Variants in CTNNA2 observed in about 807,000 individuals in gnomAD.
CTNNA2 encodes catenin alpha 2.
CTNNA2 carries 42 observed loss-of-function variants against 101.0 expected under a neutral mutation model. The ratio of observed to expected loss-of-function variants is 0.42; its 90% confidence interval spans 0.32 to 0.54. CTNNA2 has a LOEUF of 0.54. CTNNA2 is among the 20% of genes least tolerant of loss of function. CTNNA2 has a pLI of 0.14. For synonymous variants in CTNNA2, 450 were observed against 456.4 expected (o/e 0.99, Z 0.18); for missense variants, 871 against 1,223.1 (o/e 0.71, Z 4.29).
rs1052055947 is a variant in CTNNA2, at chr2:80,305,434, T to C, written c.1057-87777T>C. ...TAAAGAACGATTGTACTGTCTGACA[T>C]GGGGAGGGCTTACCCTGACTTGTGC... On this transcript the variant is annotated intron_variant, in intron 7 of 18. Transcript: ENST00000402739. The C allele has an allele frequency of 7.2e-5, 69 of 952,852 alleles. No homozygotes were observed. In the African/African-American group the frequency reaches 1.1e-3, roughly 15 times the overall value. 59.0% of individuals were successfully genotyped at this position (952,852 alleles called of 1,614,324 possible).
chr2:79,371,428 C>A (rs767651738), intron 3 of CTNNA2, among the ~76,000 whole-genome samples: 2 of 151,980 alleles, frequency 1.3e-5, no homozygotes, highest in Non-Finnish European at 1.5e-5. Flanking sequence ...CGATGTGGAA[C>A]CGACATATGG....
At chr2:80,587,131 T>C (rs1558618021) in intron 14 of CTNNA2, among the ~76,000 whole-genome samples, 1 of 152,102 alleles carries the variant, frequency 6.6e-6, no homozygotes, top group Non-Finnish European at 1.5e-5. Context: ...CTAGAGCCTA[T>C]TGTGTGATAT....
In CTNNA2 at chr2:80,303,936, A is replaced by G; in HGVS notation, c.1057-89275A>G. 1 of 1,202,842 alleles carries G rather than the reference A, an allele frequency of 8.3e-7. No individual in the cohort carries two copies. Among genetic ancestry groups the G allele is most frequent in the Non-Finnish European group, 1.1e-6 (1 of 895,648 alleles). 74.5% of individuals were successfully genotyped at this position (1,202,842 alleles called of 1,614,324 possible). A position where few individuals can be genotyped will look rare whatever the true frequency, so the allele number is the denominator to read the frequency against. Reference sequence around the variant, plus strand: ...CGGGGGAGGGGGAGAAAAGGGCAAAAAATCAAATAAATACATAGAAATAAA... The same window carrying G: ...CGGGGGAGGGGGAGAAAAGGGCAAAGAATCAAATAAATACATAGAAATAAA... On this transcript the variant is annotated intron_variant, in intron 7 of 18. Transcript: ENST00000402739. The surrounding 1 kb of genome is among the most constrained non-coding windows in gnomAD (Gnocchi z 7.7).
chr2:79,368,090 A>G (rs1216133020), intron 3 of CTNNA2, among the ~76,000 whole-genome samples: 2 of 152,236 alleles, frequency 1.3e-5, no homozygotes, highest in East Asian at 3.8e-4. Context: ...TTTTGTCCAC[A>G]AACTACCTAC....
chr2:79,775,925 A>G (rs1403015007), intron 3 of CTNNA2, among the ~76,000 whole-genome samples: 1 of 152,178 alleles, frequency 6.6e-6, no homozygotes, highest in African/African-American at 2.4e-5. Flanking sequence ...TTGAACTCTT[A>G]ACTCACAGTA....
chr2:79,592,660 T>C (rs891940645), intron 1 of CTNNA2, among the ~76,000 whole-genome samples: 2 of 152,174 alleles, frequency 1.3e-5, no homozygotes, highest in Admixed American at 1.3e-4. Flanking sequence ...TGGCATGTAA[T>C]GCTATATTAA....
At chr2:80,415,640 C>T (rs1679971149) in intron 8 of CTNNA2, among the ~76,000 whole-genome samples, 1 of 152,030 alleles carries the variant, frequency 6.6e-6, no homozygotes, top group African/African-American at 2.4e-5. Context: ...TCATAGAAAA[C>T]AGTATGGAGG....
At chr2:79,867,369 T>C (rs1333974572) in intron 4 of CTNNA2, among the ~76,000 whole-genome samples, 7 of 152,156 alleles carry the variant, frequency 4.6e-5, no homozygotes, top group Non-Finnish European at 8.8e-5. Flanking sequence ...CATCCATCAA[T>C]CATCTATCTA....
At chr2:79,664,289 G>A (rs1467451996) in intron 2 of CTNNA2, among the ~76,000 whole-genome samples, 1 of 151,914 alleles carries the variant, frequency 6.6e-6, no homozygotes, top group African/African-American at 2.4e-5. Context: ...ACCTCTTGTT[G>A]AATGAAACCT....
intron 7 of CTNNA2, among the ~76,000 whole-genome samples, chr2:79,971,650 G>A (rs1226020966): frequency 6.6e-6 from 1 of 152,162 alleles, no homozygotes; most frequent in Admixed American, 6.6e-5. Context: ...TTTGAACTCA[G>A]GTTTGGTTGC....
chr2:80,306,458 CTCTCTT>C, intron 7 of CTNNA2, among the ~76,000 whole-genome samples: 4 of 131,182 alleles, frequency 3.0e-5, no homozygotes, highest in Non-Finnish European at 6.7e-5. Context: ...CTTTCTCTCT[CTCTCTT>C]TCTTTCTTTC....
chr2:80,305,188 T>TC lies in CTNNA2; in HGVS notation c.1057-88018dup, dbSNP rs998525473. 10 of 985,210 alleles carry TC rather than the reference T, an allele frequency of 1.0e-5. No homozygotes were observed. The African/African-American group carries it at 1.6e-4, about 15-fold the overall frequency. 61.0% of individuals were successfully genotyped at this position (985,210 alleles called of 1,614,324 possible). A position where few individuals can be genotyped will look rare whatever the true frequency, so the allele number is the denominator to read the frequency against. On this transcript the variant is annotated intron_variant, in intron 7 of 18. Transcript: ENST00000402739. ...CTTGGCTAAGATTTTTGGGGTTTTT[T>TC]CCCCCTCTTGCGGGTACTGGAATTC...
At chr2:80,159,626 C>A (rs956689226) in intron 7 of CTNNA2, among the ~76,000 whole-genome samples, 2 of 151,990 alleles carry the variant, frequency 1.3e-5, no homozygotes, top group African/African-American at 4.8e-5. Flanking sequence ...TACAGGCATG[C>A]ACCACCAGAG....
chr2:80,579,310 T>C (rs1426847788), intron 13 of CTNNA2: 1 of 152,240 alleles, frequency 6.6e-6, no homozygotes, highest in Admixed American at 6.5e-5. Context: ...CACAGATCAC[T>C]GAAATGTTTG....
chr2:79,750,772 T>C (rs1671973474), intron 3 of CTNNA2, among the ~76,000 whole-genome samples: 1 of 151,448 alleles, frequency 6.6e-6, no homozygotes. Flanking sequence ...TTGGGGAGGC[T>C]GAGGCAGGAG....
intron 3 of CTNNA2, among the ~76,000 whole-genome samples, chr2:79,826,044 G>T (rs945123701): frequency 6.6e-6 from 1 of 152,060 alleles, no homozygotes; most frequent in Admixed American, 6.6e-5. Context: ...TTGTAAATAC[G>T]AAAAGAAGTA....
intron 7 of CTNNA2, among the ~76,000 whole-genome samples, chr2:79,983,513 T>G (rs1031322989): frequency 1.3e-5 from 2 of 152,130 alleles, no homozygotes; most frequent in African/African-American, 4.8e-5. Flanking sequence ...ATTAGAAGGA[T>G]GTAGACATTT....
At chr2:79,913,994 C>T (rs1193768857) in intron 7 of CTNNA2, among the ~76,000 whole-genome samples, 2 of 151,464 alleles carry the variant, frequency 1.3e-5, no homozygotes, top group East Asian at 2.0e-4. Flanking sequence ...GGTGAAACCC[C>T]GTCTCTACTA....
chr2:79,789,319 T>C lies in CTNNA2; in HGVS notation c.298+44737T>C, dbSNP rs76449110. 5.3e-4 allele frequency among the ~76,000 whole-genome samples: 80 copies of C among 152,168 alleles called. 1 individual carries two copies. The East Asian group carries it at 0.014, about 27-fold the overall frequency. On this transcript the variant is annotated intron_variant, in intron 3 of 18. Transcript: ENST00000402739. The stretch of plus-strand genomic sequence containing the variant: ...AGCTGAGAGATTTGAGAAGGCACAA[T>C]GTGTCAGGGAGTGATGAGTGGGCCA...
Sources: gnomAD v4.1 joint callset for allele counts (sites outside exome capture counted in the v4.1 genomes callset) on GRCh38, gnomAD v4.1.1 for gene constraint, Gnocchi (gnomAD v3.1) non-coding constraint, MANE v1.5 for transcripts, NCBI Gene and HGNC (gene_info 2026-07-23, HGNC 2026-07-21) for gene names.